The following ELP4 variants were observed in gnomAD, a reference collection of about 807,000 sequenced individuals.
ELP4 encodes elongator acetyltransferase complex subunit 4, also known as elongator complex protein 4.
ELP4 carries 51 observed loss-of-function variants against 48.9 expected under a neutral mutation model. The observed-to-expected ratio is 1.04, with a 90% CI of 0.83 to 1.32. The LOEUF is 1.32. Among genes scored for constraint, ELP4 ranks in the 40% most tolerant of loss-of-function variants. The pLI is 0.00. For synonymous variants in ELP4, 210 were observed against 189.2 expected (o/e 1.11, Z -0.90); for missense variants, 519 against 514.6 (o/e 1.01, Z -0.08).
intron 3 of ELP4, among the ~76,000 whole-genome samples, chr11:31,558,527 C>T (rs940877805): frequency 6.6e-6 from 1 of 152,070 alleles, no homozygotes; most frequent in African/African-American, 2.4e-5. Context: ...AAATGCTATG[C>T]CCTGTGATAG....
intron 7 of ELP4, among the ~76,000 whole-genome samples, chr11:31,644,760 T>G (rs900689690): frequency 6.6e-6 from 1 of 151,814 alleles, no homozygotes. Flanking sequence ...CCATATTCCT[T>G]ATGAAGCTTG....
At chr11:31,748,629 C>A (rs1410356535) in intron 9 of ELP4, among the ~76,000 whole-genome samples, 1 of 152,068 alleles carries the variant, frequency 6.6e-6, no homozygotes, top group East Asian at 1.9e-4. Flanking sequence ...GTGTCTTTTT[C>A]CCCCATATAT....
intron 9 of ELP4, among the ~76,000 whole-genome samples, chr11:31,713,140 T>C (rs1763054527): frequency 6.6e-6 from 1 of 152,194 alleles, no homozygotes; most frequent in African/African-American, 2.4e-5. Context: ...TTTTCCTCAA[T>C]GCAAATCAGG....
intron 3 of ELP4, among the ~76,000 whole-genome samples, chr11:31,549,253 T>A (rs1956792443): frequency 6.6e-6 from 1 of 151,588 alleles, no homozygotes; most frequent in African/African-American, 2.4e-5. Context: ...AAAGGGCTAA[T>A]ATCCAGAATC....
chr11:31,725,163 CT>C lies in ELP4; in HGVS notation c.1144-58226del, dbSNP rs139158473. On this transcript the variant is annotated intron_variant, in intron 9 of 9. Coordinates refer to ENST00000640961, the MANE Select transcript of ELP4 (RefSeq NM_019040.5). ...CTGAGGCAGGAATCCAAATGCTGGC[CT>C]TTTCACGGGCTAGATGTTTGAGTTT... 9.8e-3 allele frequency among the ~76,000 whole-genome samples: 1,493 copies of C among 152,288 alleles called. 35 individuals are homozygous for C. Among genetic ancestry groups the C allele is most frequent in the African/African-American group, 0.034 (1,418 of 41,562 alleles).
At position 31,706,721 on chromosome 11, in the gene ELP4, C is replaced by T. The variant is rs1270167720; in HGVS notation, c.1143+56500C>T. ...TACATCCTTTAACAAGTCTCTGCCT[C>T]GCCTTCCCTTCCACCTACCCATCCC... On this transcript the variant is annotated intron_variant, in intron 9 of 9. Coordinates refer to ENST00000640961, the MANE Select transcript of ELP4 (RefSeq NM_019040.5). Among the ~76,000 whole-genome samples the T allele has an allele frequency of 4.6e-5, 7 of 151,710 alleles. No individual in the cohort carries two copies. The South Asian group carries it at 8.3e-4, about 18-fold the overall frequency.
At chr11:31,553,721 CACAA>C (rs1956886899) in intron 3 of ELP4, among the ~76,000 whole-genome samples, 1 of 119,996 alleles carries the variant, frequency 8.3e-6, no homozygotes, top group African/African-American at 3.3e-5. Context: ...TCTTTGCACA[CACAA>C]ACACACACAC....
chr11:31,616,774 T>G (rs1944494290), intron 5 of ELP4, among the ~76,000 whole-genome samples: 1 of 152,066 alleles, frequency 6.6e-6, no homozygotes, highest in Non-Finnish European at 1.5e-5. Context: ...TGAATAGACA[T>G]TTCTCCAAAG....
chr11:31,703,639 C>T (rs1163108699), intron 9 of ELP4, among the ~76,000 whole-genome samples: 1 of 152,162 alleles, frequency 6.6e-6, no homozygotes, highest in Non-Finnish European at 1.5e-5. Context: ...ACTCTTCTCT[C>T]CAGGTACCTT....
At chr11:31,561,552 C>T (rs1285930713) in intron 3 of ELP4, among the ~76,000 whole-genome samples, 1 of 152,132 alleles carries the variant, frequency 6.6e-6, no homozygotes, top group Non-Finnish European at 1.5e-5. Context: ...AGCGATTCTC[C>T]TGCCTCAGCC....
chr11:31,644,405 T>C (rs1309522579), intron 7 of ELP4, among the ~76,000 whole-genome samples: 10 of 151,824 alleles, frequency 6.6e-5, no homozygotes, highest in Non-Finnish European at 1.5e-4. Context: ...TCTATTAATA[T>C]ATACTGAAGA....
intron 5 of ELP4, among the ~76,000 whole-genome samples, chr11:31,611,619 T>TCC (rs1565078659): frequency 6.6e-6 from 1 of 152,220 alleles, no homozygotes. Flanking sequence ...TAATCATATG[T>TCC]CCGATAATAT....
intron 5 of ELP4, among the ~76,000 whole-genome samples, chr11:31,611,118 T>C (rs574557733): frequency 1.3e-5 from 2 of 152,212 alleles, no homozygotes; most frequent in African/African-American, 2.4e-5. Flanking sequence ...CCTTGCTCCT[T>C]GTTGGCTCCT....
chr11:31,727,007 T>G (rs1947089648), intron 9 of ELP4, among the ~76,000 whole-genome samples: 1 of 152,144 alleles, frequency 6.6e-6, no homozygotes, highest in African/African-American at 2.4e-5. Flanking sequence ...GAAATATATT[T>G]TTATAATAAA....
At chr11:31,730,617 C>G (rs1201914999) in intron 9 of ELP4, among the ~76,000 whole-genome samples, 1 of 152,140 alleles carries the variant, frequency 6.6e-6, no homozygotes, top group African/African-American at 2.4e-5. Flanking sequence ...TCTCTCAGAG[C>G]ACTGACACGG....
chr11:31,754,442 G>A (rs1293486179), intron 9 of ELP4, among the ~76,000 whole-genome samples: 1 of 151,930 alleles, frequency 6.6e-6, no homozygotes, highest in Non-Finnish European at 1.5e-5. Flanking sequence ...TCAGTGACTT[G>A]CACCTACTGT....
intron 9 of ELP4, among the ~76,000 whole-genome samples, chr11:31,712,050 G>C (rs983379342): frequency 4.6e-5 from 7 of 151,892 alleles, no homozygotes; most frequent in Admixed American, 1.3e-4. Context: ...TCATATGAAT[G>C]ATGGGCTTGA....
chr11:31,547,593 T>A (rs1044774902), intron 3 of ELP4, among the ~76,000 whole-genome samples: 1 of 152,098 alleles, frequency 6.6e-6, no homozygotes, highest in African/African-American at 2.4e-5. Context: ...CTGAAACTGT[T>A]CCAATCAATA....
chr11:31,682,102 T>G (rs1376209270), intron 9 of ELP4: 2 of 1,249,830 alleles, frequency 1.6e-6, no homozygotes, highest in Admixed American at 2.8e-5. Context: ...GTTGATTTAG[T>G]GCTTCTGTAA....
Sources: gnomAD v4.1 joint callset for allele counts (sites outside exome capture counted in the v4.1 genomes callset) on GRCh38, gnomAD v4.1.1 for gene constraint, MANE v1.5 for transcripts, NCBI Gene and HGNC (gene_info 2026-07-23, HGNC 2026-07-21) for gene names.